ADGRV1: variants seen among roughly 807,000 people sequenced by gnomAD.
ADGRV1 encodes G-protein coupled receptor 98.
ADGRV1 carries 359 observed loss-of-function variants against 596.2 expected under a neutral mutation model. The ratio of observed to expected loss-of-function variants is 0.60; its 90% CI spans 0.55 to 0.66. ADGRV1 has a LOEUF of 0.66. ADGRV1 is among the 30% of genes least tolerant of loss of function. The pLI is 0.00. For synonymous variants in ADGRV1, 2,681 were observed against 2,679.2 expected, an observed-to-expected ratio of 1.00 and a Z score of -0.02; for missense variants, 7,274 against 7,575.6, an observed-to-expected ratio of 0.96 and a Z score of 1.48.
intron 79 of ADGRV1, among the ~76,000 whole-genome samples, chr5:90,851,124 TGTGTGTGTGTGAGAGAGA>T (rs1766451842): frequency 1.0e-5 from 1 of 98,496 alleles, no homozygotes; most frequent in South Asian, 3.8e-4. Context: ...TGTGTGTGTG[TGTGTGTGTGTGAGAGAGA>T]GAGAGAGAGA....
At chr5:91,137,471 C>T (rs150817477) in intron 87 of ADGRV1, among the ~76,000 whole-genome samples, 1 of 152,234 alleles carries the variant, frequency 6.6e-6, no homozygotes, top group African/African-American at 2.4e-5. Context: ...TCATATGCCT[C>T]GTATTTTAAC....
chr5:90,838,644 C>T (rs1765172161), intron 77 of ADGRV1, among the ~76,000 whole-genome samples: 1 of 152,116 alleles, frequency 6.6e-6, no homozygotes. Context: ...CCCAGTTTTC[C>T]ACCATTCATT....
intron 17 of ADGRV1, among the ~76,000 whole-genome samples, chr5:90,650,898 G>C (rs139843198): frequency 6.6e-6 from 1 of 152,184 alleles, no homozygotes; most frequent in African/African-American, 2.4e-5. Flanking sequence ...TAAGTTAGGT[G>C]AGTGAAGATG....
rs1768897898 is a variant in ADGRV1, at chr5:90,653,233, A to G, written c.3659A>G (p.Gln1220Arg). 6.2e-7 allele frequency: 1 copy of G among 1,611,730 alleles called. No individual in the cohort carries two copies. Among genetic ancestry groups the G allele is most frequent in the Non-Finnish European group, 8.5e-7 (1 of 1,178,326 alleles). ...ISGGSPGPGGQLAETNLQVTV... is the reference protein window; with the variant it reads ...ISGGSPGPGGRLAETNLQVTV... The stretch of plus-strand genomic sequence containing the variant: ...GGTGGATCCCCAGGTCCTGGGGGCC[A>G]GCTAGCAGAAACCAACCTCCAGGTG... Residue 1220 changes from glutamine (Q) to arginine (R), a missense_variant, in exon 20 of 90, where the codon CAG (glutamine) becomes CGG (arginine). Physicochemically the swap from Gln to Arg is conservative, Grantham distance 43 (BLOSUM62 1). Transcript: ENST00000405460.
At chr5:90,732,392 C>T (rs1039162542) in intron 50 of ADGRV1, among the ~76,000 whole-genome samples, 7 of 152,150 alleles carry the variant, frequency 4.6e-5, no homozygotes, top group African/African-American at 1.4e-4. Context: ...TTTTGATATA[C>T]ATATAATGAT....
intron 22 of ADGRV1, among the ~76,000 whole-genome samples, chr5:90,673,081 G>GT (rs1772713150): frequency 1.3e-5 from 2 of 152,134 alleles, no homozygotes; most frequent in Non-Finnish European, 2.9e-5. Flanking sequence ...AGGAGAAATT[G>GT]TTTTTTCACT....
At chr5:91,098,258 TTAAC>T (rs550644421) in intron 86 of ADGRV1, among the ~76,000 whole-genome samples, 464 of 152,234 alleles carry the variant, frequency 3.0e-3, no homozygotes, top group Non-Finnish European at 5.1e-3. Flanking sequence ...TAGTCACTGT[TTAAC>T]AACAACATGC....
At chr5:91,121,471 A>G (rs1238623976) in intron 87 of ADGRV1, among the ~76,000 whole-genome samples, 1 of 152,120 alleles carries the variant, frequency 6.6e-6, no homozygotes, top group African/African-American at 2.4e-5. Context: ...GTGAACAGGT[A>G]AATACATGGG....
chr5:90,773,066 G>T (rs1025014487), intron 59 of ADGRV1, among the ~76,000 whole-genome samples: 1 of 151,980 alleles, frequency 6.6e-6, no homozygotes, highest in African/African-American at 2.4e-5. Flanking sequence ...CTATTCGGGA[G>T]ACTGAGGCAG....
Position 90,807,693 on chromosome 5 carries a change from C to T in ADGRV1, c.14928C>T (p.His4976=), listed in dbSNP as rs1251473317. 18 of 1,610,452 alleles carry T rather than the reference C, an allele frequency of 1.1e-5. No individual in the cohort carries two copies. The East Asian group carries it at 1.8e-4, about 16-fold the overall frequency. The stretch of plus-strand genomic sequence containing the variant: ...GTTGGCCAGAGGCCTTTGTTCTTCA[C>T]CTATCAGGAGTGCAGAGCAGTGCTC... ...SPGWPEAFVL[H]LSGVQSSAPG... Residue 4976 remains histidine (H), a synonymous_variant, in exon 73 of 90, where the codon CAC becomes CAT. Transcript: ENST00000405460.
In ADGRV1 at chr5:90,701,580, G is replaced by A. The variant is rs144586054; in HGVS notation, c.8156-2085G>A. Among the ~76,000 whole-genome samples the A allele has an allele frequency of 2.2e-4, 33 of 151,892 alleles. No individual in the cohort carries two copies. In the East Asian group the frequency reaches 5.6e-3, roughly 26 times the overall value. On this transcript the variant is annotated intron_variant, in intron 34 of 89. Coordinates refer to ENST00000405460, the MANE Select transcript of ADGRV1 (RefSeq NM_032119.4). Reference sequence around the variant, plus strand: ...TATTTATATGTGCTTCTCTATGTGCGTGTGTGTGCGCATGTGTTTGTGTAT... The same window carrying A: ...TATTTATATGTGCTTCTCTATGTGCATGTGTGTGCGCATGTGTTTGTGTAT...
chr5:90,565,654 C>G (rs1218589587), intron 1 of ADGRV1, among the ~76,000 whole-genome samples: 1 of 152,050 alleles, frequency 6.6e-6, no homozygotes, highest in Non-Finnish European at 1.5e-5. Flanking sequence ...CATTTGTATA[C>G]AAGTTTTTTT....
chr5:90,656,242 C>G (rs1769391014), intron 20 of ADGRV1, among the ~76,000 whole-genome samples: 1 of 152,116 alleles, frequency 6.6e-6, no homozygotes, highest in Non-Finnish European at 1.5e-5. Flanking sequence ...AGGCATTTTC[C>G]ATACATTACC....
At chr5:91,114,480 T>C (rs946664856) in intron 87 of ADGRV1, among the ~76,000 whole-genome samples, 3 of 151,682 alleles carry the variant, frequency 2.0e-5, no homozygotes, top group Non-Finnish European at 4.4e-5. Flanking sequence ...TGAGCCAAGA[T>C]CACACCACTG....
intron 89 of ADGRV1, among the ~76,000 whole-genome samples, chr5:91,158,034 A>G (rs1461704760): frequency 1.3e-5 from 2 of 152,202 alleles, no homozygotes; most frequent in Non-Finnish European, 1.5e-5. Context: ...CTTCTCACCT[A>G]TAATAACTGG....
chr5:90,614,180 G>A, intron 1 of ADGRV1: 1 of 344,946 alleles, frequency 2.9e-6, no homozygotes, highest in Non-Finnish European at 5.5e-6. Flanking sequence ...AAAGAAAGTT[G>A]TCATGGAAAA....
intron 59 of ADGRV1, among the ~76,000 whole-genome samples, chr5:90,765,111 C>A (rs1756957991): frequency 6.6e-6 from 1 of 152,138 alleles, no homozygotes; most frequent in Non-Finnish European, 1.5e-5. Flanking sequence ...TTCCCACTGG[C>A]CCTCTGACAG....
At chr5:90,631,152 G>A (rs748590034) in intron 9 of ADGRV1, among the ~76,000 whole-genome samples, 2 of 152,136 alleles carry the variant, frequency 1.3e-5, no homozygotes, top group African/African-American at 2.4e-5. Flanking sequence ...GAAAGGTATT[G>A]TTGTTAAGCT....
In ADGRV1 at chr5:90,642,933, G is replaced by A; in HGVS notation, c.2445G>A (p.Glu815=). 1 of 1,613,326 alleles carries A rather than the reference G, an allele frequency of 6.2e-7. No homozygotes were observed. The highest frequency in any genetic ancestry group is 1.1e-5 in the South Asian group (1 of 91,044). ...AGCAGTTTCTACACTACCGAGTAGA[G>A]CCAAGAGATAGCAATGAATTCTATG... The part of the protein sequence containing the change: ...LVKQFLHYRV[E]PRDSNEFYGN... The change falls in exon 13 of 90, where the codon GAG becomes GAA. Residue 815 remains glutamate, a synonymous_variant. Transcript: ENST00000405460.
Sources: gnomAD v4.1 joint callset for allele counts (sites outside exome capture counted in the v4.1 genomes callset) on GRCh38, gnomAD v4.1.1 for gene constraint, MANE v1.5 for transcripts, NCBI Gene and HGNC (gene_info 2026-07-23, HGNC 2026-07-21) for gene names.